Variants in RPS6KA2 observed in about 807,000 individuals in gnomAD.
RPS6KA2 encodes ribosomal protein S6 kinase A2.
In RPS6KA2, 42 loss-of-function variants were observed where a neutral mutation model predicts 91.8. The observed-to-expected ratio is 0.46, with a 90% CI of 0.36 to 0.59. The LOEUF is 0.59. RPS6KA2 is among the 20% of genes least tolerant of loss of function. RPS6KA2 has a pLI of 0.00. For synonymous variants in RPS6KA2, 414 were observed against 393.6 expected (o/e 1.05, Z -0.61); for missense variants, 798 against 978.5 (o/e 0.82, Z 2.46).
rs1177429117 is a variant in RPS6KA2, at chr6:166,648,002, AC to A, written c.124-109219del. Among the ~76,000 whole-genome samples, 2 of 148,832 alleles carry A rather than the reference AC, an allele frequency of 1.3e-5. No homozygotes were observed. The highest frequency in any genetic ancestry group is 3.0e-5 in the Non-Finnish European group (2 of 67,738). The stretch of plus-strand genomic sequence containing the variant: ...TGCTCACACACACGCACATGCTCAC[AC>A]ACGCACATGCTTACACACATACATA... On this transcript the variant is annotated intron_variant, in intron 2 of 21. Coordinates refer to the RPS6KA2 transcript ENST00000503859. This position sits in a 1 kb window ranked among gnomAD's most constrained non-coding sequence, Gnocchi z 4.8.
intron 1 of RPS6KA2, among the ~76,000 whole-genome samples, chr6:166,584,020 G>A (rs979085904): frequency 7.2e-5 from 11 of 152,220 alleles, no homozygotes; most frequent in African/African-American, 2.4e-4. Flanking sequence ...GGTGTGCAAC[G>A]AAACAAGGTT....
chr6:166,713,589 G>A (rs912879917), intron 2 of RPS6KA2, among the ~76,000 whole-genome samples: 14 of 152,160 alleles, frequency 9.2e-5, no homozygotes, highest in Non-Finnish European at 1.6e-4. Context: ...AGAAAATAAA[G>A]AATAGAAATA....
chr6:166,685,380 G>C (rs1370149183), intron 2 of RPS6KA2, among the ~76,000 whole-genome samples: 1 of 152,126 alleles, frequency 6.6e-6, no homozygotes, highest in African/African-American at 2.4e-5. Flanking sequence ...GGAGGACAGA[G>C]GCTGAGAAGG....
intron 10 of RPS6KA2, among the ~76,000 whole-genome samples, chr6:166,485,920 T>C (rs1022336485): frequency 6.6e-6 from 1 of 152,096 alleles, no homozygotes; most frequent in African/African-American, 2.4e-5. Flanking sequence ...ACAGGCCCTG[T>C]GTGGATAGGG....
chr6:166,428,023 T>C (rs944837370), intron 16 of RPS6KA2, among the ~76,000 whole-genome samples: 12 of 151,820 alleles, frequency 7.9e-5, no homozygotes, highest in Middle Eastern at 3.4e-3. Context: ...AGAACAAAGC[T>C]TGAGGCATCA....
chr6:166,712,579 C>T (rs760984570), intron 2 of RPS6KA2, among the ~76,000 whole-genome samples: 51 of 152,168 alleles, frequency 3.4e-4, no homozygotes, highest in East Asian at 1.9e-4. Context: ...TAGAAAGAGA[C>T]GCACGGACGG....
rs934709891 is a variant in RPS6KA2, at chr6:166,627,163, G to C, written c.-144C>G. The C allele has an allele frequency of 1.6e-5, 18 of 1,097,548 alleles. No individual in the cohort carries two copies. The African/African-American group carries it at 2.8e-4, about 17-fold the overall frequency. 68.0% of individuals were successfully genotyped at this position (1,097,548 alleles called of 1,614,324 possible). On this transcript the variant is annotated 5_prime_UTR_variant, in exon 1 of 21. Coordinates refer to ENST00000265678, the MANE Select transcript of RPS6KA2 (RefSeq NM_021135.6). ...CATGGGCGCGGGGCGTGGGGCGCGA[G>C]CTGCGGTCACAAAGGGCAGGCCGCG...
intron 1 of RPS6KA2, among the ~76,000 whole-genome samples, chr6:166,606,025 T>TA (rs1393627070): frequency 6.6e-6 from 1 of 152,224 alleles, no homozygotes; most frequent in Non-Finnish European, 1.5e-5. Context: ...GATGAGTGTC[T>TA]ACAAGAGGGC....
intron 10 of RPS6KA2, among the ~76,000 whole-genome samples, chr6:166,479,799 T>G (rs1478656551): frequency 1.3e-5 from 2 of 152,232 alleles, no homozygotes; most frequent in Non-Finnish European, 2.9e-5. Context: ...TGCCTGTGTT[T>G]GCAGAATTTT....
rs942914967 is a variant in RPS6KA2, at chr6:166,410,669, C to T, written c.*2093G>A. 1 of 152,010 alleles carries T rather than the reference C, an allele frequency of 6.6e-6. No homozygotes were observed. The highest frequency in any genetic ancestry group is 1.5e-5 in the Non-Finnish European group (1 of 68,006). 9.4% of individuals were successfully genotyped at this position (152,010 alleles called of 1,614,324 possible). On this transcript the variant is annotated 3_prime_UTR_variant, in exon 21 of 21. Transcript: ENST00000265678. ...CTGAAAAAGACCATGAGCTGGTGCC[C>T]CATGGGCACACAAGGAGGGAAAACC...
chr6:166,431,112 G>A (rs1406869867), intron 15 of RPS6KA2, among the ~76,000 whole-genome samples: 1 of 152,146 alleles, frequency 6.6e-6, no homozygotes, highest in African/African-American at 2.4e-5. Context: ...ATTTTTAGTA[G>A]AGACAGGGTT....
At chr6:166,709,991 G>A (rs1261128852) in intron 2 of RPS6KA2, among the ~76,000 whole-genome samples, 1 of 152,106 alleles carries the variant, frequency 6.6e-6, no homozygotes, top group Non-Finnish European at 1.5e-5. Context: ...TTCTATTATC[G>A]AACCAGAATC....
chr6:166,561,428 C>A (rs1451720505), intron 1 of RPS6KA2, among the ~76,000 whole-genome samples: 1 of 151,978 alleles, frequency 6.6e-6, no homozygotes, highest in African/African-American at 2.4e-5. Flanking sequence ...GGTTCCCTCC[C>A]TCCTATAAAG....
intron 1 of RPS6KA2, among the ~76,000 whole-genome samples, chr6:166,607,292 C>A (rs1428276703): frequency 6.6e-6 from 1 of 152,028 alleles, no homozygotes; most frequent in Non-Finnish European, 1.5e-5. Context: ...GGTATAAACC[C>A]AGGAGAAATA....
At chr6:166,860,293 G>GA (rs1254748759) in intron 1 of RPS6KA2, among the ~76,000 whole-genome samples, 1 of 152,122 alleles carries the variant, frequency 6.6e-6, no homozygotes, top group Non-Finnish European at 1.5e-5. Flanking sequence ...TAAGAAGCCT[G>GA]AAAAAAATTT....
intron 10 of RPS6KA2, among the ~76,000 whole-genome samples, chr6:166,474,903 C>A (rs1312330220): frequency 6.6e-6 from 1 of 152,228 alleles, no homozygotes; most frequent in Admixed American, 6.5e-5. Flanking sequence ...TGAGCCTGTT[C>A]CTGCAGAGCT....
At chr6:166,762,717 C>T (rs967712845) in intron 2 of RPS6KA2, among the ~76,000 whole-genome samples, 4 of 152,174 alleles carry the variant, frequency 2.6e-5, no homozygotes, top group African/African-American at 7.2e-5. Context: ...ACCTTCCCAT[C>T]CTGTCCACTC....
intron 1 of RPS6KA2, among the ~76,000 whole-genome samples, chr6:166,569,944 T>C (rs1784634461): frequency 6.6e-6 from 1 of 152,208 alleles, no homozygotes; most frequent in Admixed American, 6.5e-5. Context: ...ACCCCTGCCA[T>C]TGCGCTGAGG....
At chr6:166,845,800 G>A (rs1268222441) in intron 2 of RPS6KA2, among the ~76,000 whole-genome samples, 1 of 151,908 alleles carries the variant, frequency 6.6e-6, no homozygotes, top group Non-Finnish European at 1.5e-5. Flanking sequence ...CACACCTCAA[G>A]GAACTGGAGA....
Sources: allele counts gnomAD v4.1 joint callset (sites outside exome capture counted in the v4.1 genomes callset), GRCh38; gene constraint gnomAD v4.1.1; non-coding constraint Gnocchi (gnomAD v3.1); transcripts MANE v1.5; gene names NCBI Gene and HGNC (gene_info 2026-07-23, HGNC 2026-07-21).